The following CEP76 variants were observed in gnomAD, a reference collection of about 807,000 sequenced individuals.
CEP76 encodes the protein centrosomal protein of 76 kDa.
A neutral mutation model predicts 83.3 loss-of-function variants in CEP76; 55 were observed. The observed-to-expected ratio is 0.66, with a 90% CI of 0.53 to 0.83. The LOEUF (loss-of-function observed/expected upper bound fraction) is 0.83. Ranked by LOEUF, CEP76 falls within the 40% of genes least tolerant of loss-of-function variation. The pLI, the probability that CEP76 is intolerant of heterozygous loss-of-function variation, is 0.00. For synonymous variants in CEP76, 270 were observed against 274.5 expected (o/e 0.98, Z 0.16); for missense variants, 694 against 799.5 (o/e 0.87, Z 1.59).
At chr18:12,671,881 C>T (rs1032185779), downstream of CEP76, among the ~76,000 whole-genome samples, 5 of 152,096 alleles carry the variant, frequency 3.3e-5, no homozygotes, top group African/African-American at 1.2e-4. Context: ...AGTACAGTGG[C>T]ATGATCTTGG....
At position 12,680,672 on chromosome 18, in the gene CEP76, T is replaced by G; in HGVS notation, c.1279A>C (p.Thr427Pro). 6.2e-7 allele frequency: 1 copy of G among 1,610,426 alleles called. No homozygotes were observed. The highest frequency in any genetic ancestry group is 8.5e-7 in the Non-Finnish European group (1 of 1,178,436). Residue 427 changes from threonine (T) to proline (P), a missense_variant, in exon 9 of 12, where the codon ACA (threonine) becomes CCA (proline). Physicochemically the swap from Thr to Pro is conservative, Grantham distance 38. Coordinates refer to ENST00000262127, the MANE Select transcript of CEP76 (RefSeq NM_024899.4). ...ACTTAGTAAACTAACCTGTGTCCTG[T>G]TAAACTCTCCCAAAAAGTGATGGCC... ...DGAITFWESL[T>P]GHRYIHKPTN... is the part of the protein sequence containing the mutation.
At chr18:12,690,626 T>C (rs2039720700) in intron 7 of CEP76, among the ~76,000 whole-genome samples, 1 of 152,090 alleles carries the variant, frequency 6.6e-6, no homozygotes, top group Non-Finnish European at 1.5e-5. Flanking sequence ...CGGCTAATTT[T>C]TTGTGTTTTT....
chr18:12,668,764 A>C, downstream of CEP76, among the ~76,000 whole-genome samples: 1 of 111,808 alleles, frequency 8.9e-6, no homozygotes, highest in Non-Finnish European at 1.7e-5. Context: ...TTTGAGACAG[A>C]GTCTTGCTCT....
rs377328686 is a variant in CEP76 at position 12,691,987 on chromosome 18, G to A, written c.805-500C>T. 2.6e-5 allele frequency among the ~76,000 whole-genome samples: 4 copies of A among 152,096 alleles called. No homozygotes were observed. In the East Asian group the frequency reaches 7.7e-4, roughly 29 times the overall value. ...GCCCGCCTTGGCCTCCCAAAGTGCT[G>A]GGATTACCGCGCCTGGCCCAGAAAT... On this transcript the variant is annotated intron_variant, in intron 6 of 11. Coordinates refer to ENST00000262127, the MANE Select transcript of CEP76 (RefSeq NM_024899.4).
At chr18:12,685,459 T>A (rs1353737746) in intron 8 of CEP76, 1 of 152,104 alleles carries the variant, frequency 6.6e-6, no homozygotes, top group Non-Finnish European at 1.5e-5. Context: ...GAAATCACAA[T>A]AAATAAGAAA....
rs1282407289 is a variant in CEP76, at chr18:12,702,536, G to C, written c.13C>G (p.Pro5Ala). The C allele has an allele frequency of 2.5e-6, 4 of 1,607,368 alleles. No individual in the cohort carries two copies. The highest frequency in any genetic ancestry group is 2.5e-6 in the Non-Finnish European group (3 of 1,178,400). Reference sequence around the variant, plus strand: ...TGCTTCAGCTCGGAGGCTTTCTCCGGAGGCAGCGACATGCTGGCAGCCGGC... The same window carrying C: ...TGCTTCAGCTCGGAGGCTTTCTCCGCAGGCAGCGACATGCTGGCAGCCGGC... MSLP[P>A]EKASELKQLI... is the part of the protein sequence containing the mutation. Residue 5 changes from proline (P) to alanine (A), a missense_variant, in exon 1 of 12, where the codon CCG becomes GCG. Transcript: ENST00000262127.
intron 6 of CEP76, among the ~76,000 whole-genome samples, chr18:12,693,585 C>A (rs1234196748): frequency 1.3e-5 from 2 of 152,042 alleles, no homozygotes; most frequent in African/African-American, 4.8e-5. Flanking sequence ...GAGATCGAGA[C>A]CATCCTGGCC....
rs1262016048 is a variant in CEP76 at position 12,686,455 on chromosome 18, G to A, written c.934-5C>T. 3.1e-6 allele frequency: 5 copies of A among 1,589,432 alleles called. No homozygotes were observed. Among genetic ancestry groups the A allele is most frequent in the Non-Finnish European group, 3.4e-6 (4 of 1,165,428 alleles). ...TCTATTTATCCCATTTTCATCCTAG[G>A]GAAAAGGGGAAAAACATCTGTAATG... On this transcript the variant is annotated splice_region_variant and splice_polypyrimidine_tract_variant and intron_variant, in intron 7 of 11. Transcript: ENST00000262127.
intron 8 of CEP76, among the ~76,000 whole-genome samples, chr18:12,681,256 ATT>A (rs34816720): frequency 0.23 from 26,267 of 114,900 alleles, 2,842 homozygotes; most frequent in Non-Finnish European, 0.31. Flanking sequence ...AAAGTAGAAC[ATT>A]TTTTTTTTTT....
chr18:12,666,215 CTA>C, intron 12 of CEP76, among the ~76,000 whole-genome samples: 1 of 151,704 alleles, frequency 6.6e-6, no homozygotes, highest in African/African-American at 2.4e-5. Flanking sequence ...ATATTCCCAG[CTA>C]CTTAAGAGGC....
At chr18:12,663,546 T>A (rs780146938) in intron 12 of CEP76, 1 of 152,152 alleles carries the variant, frequency 6.6e-6, no homozygotes, top group Non-Finnish European at 1.5e-5. Context: ...GTGCTGGGAT[T>A]ACAGATGTGA....
At chr18:12,681,813 A>G (rs2039358483) in intron 8 of CEP76, among the ~76,000 whole-genome samples, 1 of 152,126 alleles carries the variant, frequency 6.6e-6, no homozygotes, top group Admixed American at 6.6e-5. Context: ...TCAATTTTAA[A>G]AAGTTATAAA....
intron 12 of CEP76, among the ~76,000 whole-genome samples, chr18:12,665,554 G>T (rs1486964301): frequency 6.6e-6 from 1 of 152,036 alleles, no homozygotes; most frequent in Non-Finnish European, 1.5e-5. Context: ...TGTAACCCTC[G>T]CTCCTACTCT....
At chr18:12,677,458 C>CAAAAAAAAAAAAAAAAAAAAAAAA (rs71174127) in intron 10 of CEP76, among the ~76,000 whole-genome samples, 1 of 53,948 alleles carries the variant, frequency 1.9e-5, no homozygotes, top group African/African-American at 8.3e-5. Context: ...GATTCCATCT[C>CAAAAAAAAAAAAAAAAAAAAAAAA]AAAAAAAAAA....
At chr18:12,679,250 G>A (rs1208198014) in intron 9 of CEP76, 3 of 152,116 alleles carry the variant, frequency 2.0e-5, no homozygotes, top group Non-Finnish European at 4.4e-5. Context: ...GGTGGAAAGG[G>A]GTCCCCAGAG....
intron 2 of CEP76, chr18:12,700,123 A>G (rs1243459975): frequency 5.7e-6 from 2 of 353,028 alleles, no homozygotes; most frequent in Non-Finnish European, 1.0e-5. Context: ...CTAAGGAATT[A>G]AACTGTCTTC....
At chr18:12,675,222 C>T (rs531838154) in intron 10 of CEP76, among the ~76,000 whole-genome samples, 10 of 152,178 alleles carry the variant, frequency 6.6e-5, no homozygotes, top group Non-Finnish European at 5.9e-5. Context: ...AGGTGAAACC[C>T]TGTATCTACT....
intron 5 of CEP76, among the ~76,000 whole-genome samples, chr18:12,696,672 G>T (rs1037467504): frequency 2.0e-5 from 3 of 152,026 alleles, no homozygotes; most frequent in South Asian, 2.1e-4. Flanking sequence ...GTTACATAGC[G>T]GGCAGTGTGC....
chr18:12,696,841 C>T (rs2039975211), intron 5 of CEP76, among the ~76,000 whole-genome samples: 1 of 152,166 alleles, frequency 6.6e-6, no homozygotes, highest in Admixed American at 6.5e-5. Flanking sequence ...GCAAGAATCA[C>T]TGGTACCAAA....
Sources: gnomAD v4.1 joint callset for allele counts (sites outside exome capture counted in the v4.1 genomes callset) on GRCh38, gnomAD v4.1.1 for gene constraint, MANE v1.5 for transcripts, NCBI Gene and HGNC (gene_info 2026-07-23, HGNC 2026-07-21) for gene names.